SYF2: variants seen among roughly 807,000 people sequenced by gnomAD.
SYF2 encodes the protein SYF2 pre-mRNA splicing factor, also known as pre-mRNA-splicing factor SYF2.
Under a neutral mutation model 32.7 loss-of-function variants are expected in SYF2, and 21 were observed. The ratio of observed to expected loss-of-function variants is 0.64; its 90% CI spans 0.45 to 0.92. The LOEUF (loss-of-function observed/expected upper bound fraction) is 0.92, where lower values mean the gene tolerates loss of function less well. Ranked by LOEUF, SYF2 falls within the 40% of genes least tolerant of loss-of-function variation. The pLI is 0.00. For missense variants in SYF2, 278 were observed against 296.5 expected (o/e 0.94, Z 0.46); for synonymous variants, 114 against 103.9 (o/e 1.10, Z -0.59).
intron 2 of SYF2, 172 bp downstream of exon 2, chr1:25,231,932 G>C (rs1458806482): frequency 5.6e-6 from 4 of 715,882 alleles, no homozygotes; most frequent in Non-Finnish European, 1.0e-5. Flanking sequence ...AATGTTCTCA[G>C]AATGATCCCA....
At position 25,223,177 on chromosome 1, in the gene SYF2, A is replaced by T; in HGVS notation, c.*89T>A. The T allele has an allele frequency of 7.5e-7, 1 of 1,325,236 alleles. No individual in the cohort carries two copies. Among genetic ancestry groups the T allele is most frequent in the Admixed American group, 2.3e-5 (1 of 44,070 alleles). 82.1% of individuals were successfully genotyped at this position (1,325,236 alleles called of 1,614,324 possible). A position where few individuals can be genotyped will look rare whatever the true frequency, so the allele number is the denominator to read the frequency against. On this transcript the variant is annotated 3_prime_UTR_variant, in exon 7 of 7. Transcript: ENST00000236273. ...GAAGGCATGGACTACTAAATTCTGG[A>T]TTACTGATAAAATTTCAAAAAGAAC...
intron 5 of SYF2, 68 bp downstream of exon 5, chr1:25,227,374 T>C (rs746672942): frequency 1.1e-5 from 13 of 1,227,036 alleles, no homozygotes; most frequent in African/African-American, 3.0e-5. Flanking sequence ...TGTTTCTATT[T>C]ATGTACATGT....
At chr1:25,225,678 T>A (rs1205457741) in intron 5 of SYF2, among the ~76,000 whole-genome samples, 1 of 149,168 alleles carries the variant, frequency 6.7e-6, no homozygotes, top group Admixed American at 6.7e-5. Flanking sequence ...GCCAACATGG[T>A]GATACCCCAT....
rs1638440293 is a variant in SYF2, at chr1:25,223,130, T to G, written c.*136A>C. ...GGATATACGTTTAAGAAACCACATT[T>G]TTATTTCTAAATGCTGAGTGAGAAG... On this transcript the variant is annotated 3_prime_UTR_variant, in exon 7 of 7. Transcript: ENST00000236273. 11 of 775,802 alleles carry G rather than the reference T, an allele frequency of 1.4e-5. No individual in the cohort carries two copies. The highest frequency in any genetic ancestry group is 2.2e-5 in the Non-Finnish European group (11 of 506,382). The allele number at this position is 775,802 out of a possible 1,614,324, so 48.1% of individuals were successfully genotyped here.
At chr1:25,228,939 T>G in intron 3 of SYF2, 59 bp downstream of exon 3, 5 of 1,569,234 alleles carry the variant, frequency 3.2e-6, no homozygotes. Flanking sequence ...CATGTTGTAG[T>G]GTCTTGATAC....
At chr1:25,223,557 G>C in intron 6 of SYF2, 126 bp from the exon 7 acceptor site, 3 of 901,196 alleles carry the variant, frequency 3.3e-6, no homozygotes, top group Admixed American at 5.3e-5. Context: ...AGGAAGCCAG[G>C]AGAGTTTTCA....
chr1:25,228,252 A>G lies in SYF2; in HGVS notation c.259-17T>C, dbSNP rs775859185. ...CGCACATTCCTAAAAAGAAGAAAAA[A>G]GCTGACACCTACAATTATGATACAT... On this transcript the variant is annotated splice_polypyrimidine_tract_variant and intron_variant, in intron 3 of 6. Transcript: ENST00000236273. 2 of 1,585,320 alleles carry G rather than the reference A, an allele frequency of 1.3e-6. No homozygotes were observed.
chr1:25,227,090 C>T (rs1336812944), intron 5 of SYF2, among the ~76,000 whole-genome samples: 3 of 152,104 alleles, frequency 2.0e-5, no homozygotes, highest in African/African-American at 7.2e-5. Context: ...CAAGACCAGC[C>T]TGGCCAACGT....
chr1:25,225,095 T>A lies in SYF2; in HGVS notation c.473A>T (p.Glu158Val), dbSNP rs370785333. 1 of 1,612,988 alleles carries A rather than the reference T, an allele frequency of 6.2e-7. No individual in the cohort carries two copies. Among genetic ancestry groups the A allele is most frequent in the Non-Finnish European group, 8.5e-7 (1 of 1,179,126 alleles). ...TYERLREKHGEEFFPTSNSLL... is the reference protein window; with the variant it reads ...TYERLREKHGVEFFPTSNSLL... ...ACTATTGGATGTTGGGAAAAACTCT[T>A]CTCCACTGAAAAGGCAGCAAAATGA... Residue 158 changes from glutamate (E) to valine (V), a missense_variant, in exon 6 of 7, where the codon GAA (glutamate) becomes GTA (valine). By Grantham distance (121) the Glu-to-Val change is moderately radical (BLOSUM62 -2). Coordinates refer to ENST00000236273, the MANE Select transcript of SYF2 (RefSeq NM_015484.5).
chr1:25,228,367 C>G, intron 3 of SYF2, 132 bp from the exon 4 acceptor site: 1 of 784,398 alleles, frequency 1.3e-6, no homozygotes, highest in Non-Finnish European at 2.0e-6. Flanking sequence ...GTTTCACTCA[C>G]TCTGTCACGC....
chr1:25,225,200 A>G, intron 5 of SYF2, 100 bp from the exon 6 acceptor site: 1 of 773,024 alleles, frequency 1.3e-6, no homozygotes, highest in Non-Finnish European at 2.3e-6. Flanking sequence ...ATACACATAC[A>G]TTTACTGTGA....
At position 25,232,427 on chromosome 1, in the gene SYF2, C is replaced by T. The variant is rs1166317248; in HGVS notation, c.24+17G>A. ...CCTCACCAACAAAACCCCCGGTGTA[C>T]GGTGGGTGGAACTCACCTCGGATGC... On this transcript the variant is annotated intron_variant, in intron 1 of 6. Transcript: ENST00000236273. The T allele has an allele frequency of 6.2e-7, 1 of 1,614,204 alleles. No homozygotes were observed. The highest frequency in any genetic ancestry group is 1.7e-5 in the Admixed American group (1 of 60,010).
intron 6 of SYF2, among the ~76,000 whole-genome samples, chr1:25,223,830 C>T (rs1469625028): frequency 6.6e-6 from 1 of 152,062 alleles, no homozygotes; most frequent in Non-Finnish European, 1.5e-5. Context: ...GCCTGGACAA[C>T]ATAGGAAGAC....
chr1:25,225,522 C>T (rs949675113), intron 5 of SYF2, among the ~76,000 whole-genome samples: 4 of 147,286 alleles, frequency 2.7e-5, no homozygotes, highest in Non-Finnish European at 4.5e-5. Context: ...AGTAAGACTC[C>T]GTCTCAAAAA....
chr1:25,223,176 G>A lies in SYF2; in HGVS notation c.*90C>T. Reference sequence around the variant, plus strand: ...AGAAGGCATGGACTACTAAATTCTGGATTACTGATAAAATTTCAAAAAGAA... The same window carrying A: ...AGAAGGCATGGACTACTAAATTCTGAATTACTGATAAAATTTCAAAAAGAA... On this transcript the variant is annotated 3_prime_UTR_variant, in exon 7 of 7. Transcript: ENST00000236273. 7.6e-7 allele frequency: 1 copy of A among 1,314,612 alleles called. No individual in the cohort carries two copies. Among genetic ancestry groups the A allele is most frequent in the Non-Finnish European group, 1.0e-6 (1 of 958,614 alleles). The allele number at this position is 1,314,612 out of a possible 1,614,324, so 81.4% of individuals were successfully genotyped here.
At chr1:25,228,875 G>C in intron 3 of SYF2, 123 bp downstream of exon 3, 1 of 1,212,564 alleles carries the variant, frequency 8.2e-7, no homozygotes, top group Non-Finnish European at 1.2e-6. Context: ...GTACTGAGCA[G>C]AGCCAGAATT....
At position 25,232,432 on chromosome 1, in the gene SYF2, G is replaced by C; in HGVS notation, c.24+12C>G. 1 of 1,614,178 alleles carries C rather than the reference G, an allele frequency of 6.2e-7. No homozygotes were observed. The highest frequency in any genetic ancestry group is 8.5e-7 in the Non-Finnish European group (1 of 1,180,042). The stretch of plus-strand genomic sequence containing the variant: ...CCAACAAAACCCCCGGTGTACGGTG[G>C]GTGGAACTCACCTCGGATGCAGCTA... On this transcript the variant is annotated intron_variant, in intron 1 of 6. Transcript: ENST00000236273.
At chr1:25,229,150 C>T in intron 2 of SYF2, 27 bp from the exon 3 acceptor site, 1 of 1,603,596 alleles carries the variant, frequency 6.2e-7, no homozygotes, top group Non-Finnish European at 8.5e-7. Context: ...AGAAGTCTGT[C>T]AGCTAAAACA....
intron 1 of SYF2, 53 bp downstream of exon 1, chr1:25,232,391 C>G (rs934932316): frequency 2.5e-6 from 4 of 1,613,950 alleles, no homozygotes; most frequent in Non-Finnish European, 2.5e-6. Context: ...CTCCAGGCCG[C>G]TCCCCGGAAC....
Sources: allele counts gnomAD v4.1 joint callset (sites outside exome capture counted in the v4.1 genomes callset), GRCh38; gene constraint gnomAD v4.1.1; transcripts MANE v1.5; gene names NCBI Gene and HGNC (gene_info 2026-07-23, HGNC 2026-07-21).